SH2D4B: variants seen among roughly 807,000 people sequenced by gnomAD.
The protein encoded by SH2D4B is SH2 domain containing 4B, also known as SH2 domain-containing protein 4B.
A neutral mutation model predicts 61.5 loss-of-function variants in SH2D4B; 45 were observed. That is an observed-to-expected ratio of 0.73 (90% confidence interval 0.58 to 0.94). The LOEUF is 0.94. Among genes scored for constraint, SH2D4B ranks in the 40% least tolerant of loss-of-function variants. The pLI is 0.00. For missense variants in SH2D4B, 572 were observed against 574.2 expected (o/e 1.00, Z 0.04); for synonymous variants, 224 against 220.4 (o/e 1.02, Z -0.14).
chr10:80,566,575 C>T (rs116386422), intron 1 of SH2D4B, among the ~76,000 whole-genome samples: 334 of 152,176 alleles, frequency 2.2e-3, no homozygotes, highest in African/African-American at 7.6e-3. Context: ...GGATTACATG[C>T]GTGAGCCACT....
intron 6 of SH2D4B, among the ~76,000 whole-genome samples, chr10:80,613,768 C>A (rs540266029): frequency 6.6e-6 from 1 of 152,154 alleles, no homozygotes; most frequent in East Asian, 1.9e-4. Flanking sequence ...TTATGAGATG[C>A]GAGAGCTCCA....
intron 6 of SH2D4B, among the ~76,000 whole-genome samples, chr10:80,612,461 G>A (rs1417212704): frequency 6.6e-6 from 1 of 152,070 alleles, no homozygotes; most frequent in African/African-American, 2.4e-5. Context: ...TGGGACCAGT[G>A]GGCCAGCTCA....
chr10:80,570,288 C>T lies in SH2D4B; in HGVS notation c.319C>T (p.Gln107Ter). 6.2e-7 allele frequency: 1 copy of T among 1,613,476 alleles called. No individual in the cohort carries two copies. Residue 107 changes from glutamine to a stop codon, truncating the protein, a stop_gained, in exon 2 of 8, where the codon CAG becomes TAG. Coordinates refer to ENST00000646907, the MANE Select transcript of SH2D4B (RefSeq NM_001388272.1). LOFTEE classifies it high-confidence loss of function. ...GCTGATTGCAGAGAGGGCGCGGCTGCAGGCACAGAGGGAAGCTGAGGAGCT... is the reference window on the plus strand; with the variant it reads ...GCTGATTGCAGAGAGGGCGCGGCTGTAGGCACAGAGGGAAGCTGAGGAGCT... The part of the protein sequence containing the change: ...EELIAERARL[Q>*]AQREAEELWR...
At position 80,603,763 on chromosome 10, in the gene SH2D4B, G is replaced by A. The variant is rs1333751464; in HGVS notation, c.828G>A (p.Pro276=). The A allele has an allele frequency of 5.0e-6, 8 of 1,611,814 alleles. No homozygotes were observed. The highest frequency in any genetic ancestry group is 2.2e-5 in the East Asian group (1 of 44,820). Residue 276 remains proline, a synonymous_variant, in exon 5 of 8, where the codon CCG becomes CCA. Coordinates refer to ENST00000646907, the MANE Select transcript of SH2D4B (RefSeq NM_001388272.1). ...EARLYHHLPD[P]GLPQPLALPV... is the part of the protein sequence containing the mutation. ...GACTCTACCACCACCTCCCCGACCC[G>A]GGTCTGCCGCAGCCCCTTGCCCTGC...
chr10:80,604,882 C>T (rs899486577), intron 5 of SH2D4B, among the ~76,000 whole-genome samples: 2 of 152,100 alleles, frequency 1.3e-5, no homozygotes, highest in African/African-American at 4.8e-5. Context: ...CAAGCTCCGC[C>T]TTCCAGATTC....
chr10:80,629,333 GATGGTGCTAAACC>G (rs1224561394), intron 6 of SH2D4B, among the ~76,000 whole-genome samples: 14 of 152,206 alleles, frequency 9.2e-5, no homozygotes, highest in African/African-American at 3.4e-4. Context: ...GCATCAAGGA[GATGGTGCTAAACC>G]ATTTGTGAGA....
intron 4 of SH2D4B, among the ~76,000 whole-genome samples, chr10:80,591,620 C>T (rs1376626743): frequency 6.6e-6 from 1 of 151,284 alleles, no homozygotes; most frequent in South Asian, 2.1e-4. Context: ...AACTCTCCTG[C>T]CTCCCTAGTA....
intron 6 of SH2D4B, among the ~76,000 whole-genome samples, chr10:80,624,828 A>G (rs574535264): frequency 6.6e-6 from 1 of 152,248 alleles, no homozygotes; most frequent in East Asian, 1.9e-4. Flanking sequence ...AATGAATGCC[A>G]TAGCAGTAAT....
At position 80,644,239 on chromosome 10, in the gene SH2D4B, C is replaced by G; in HGVS notation, c.*154C>G. The G allele has an allele frequency of 1.6e-6, 1 of 626,088 alleles. No individual in the cohort carries two copies. Among genetic ancestry groups the G allele is most frequent in the Non-Finnish European group, 2.8e-6 (1 of 358,184 alleles). The allele number at this position is 626,088 out of a possible 1,614,324, so 38.8% of individuals were successfully genotyped here. A position where few individuals can be genotyped will look rare whatever the true frequency, so the allele number is the denominator to read the frequency against. ...GCCTCAAGGGATATGACATCTATGGCATAGGGCTACTGGTCTCATCCCAGC... is the reference window on the plus strand; with the variant it reads ...GCCTCAAGGGATATGACATCTATGGGATAGGGCTACTGGTCTCATCCCAGC... On this transcript the variant is annotated 3_prime_UTR_variant, in exon 8 of 8. Coordinates refer to ENST00000646907, the MANE Select transcript of SH2D4B (RefSeq NM_001388272.1).
chr10:80,588,675 C>T lies in SH2D4B; in HGVS notation c.541C>T (p.Leu181Phe), dbSNP rs373378876. 5.9e-5 allele frequency: 96 copies of T among 1,613,906 alleles called. 1 individual carries two copies. The highest frequency in any genetic ancestry group is 3.3e-4 in the South Asian group (30 of 91,080). ...GAAGCGAGGAGAAGAGCAGATTCGC[C>T]TCCAGGAAGAGCAGAGGGCGAAGGA... The part of the protein sequence containing the change: ...ERKRGEEQIR[L>F]QEEQRAKELY... The change falls in exon 4 of 8, where the codon CTC becomes TTC. Residue 181 changes from leucine to phenylalanine, a missense_variant. By Grantham distance (22) the Leu-to-Phe change is conservative (BLOSUM62 0). Coordinates refer to ENST00000646907, the MANE Select transcript of SH2D4B (RefSeq NM_001388272.1).
chr10:80,584,874 T>G (rs1280423794), intron 3 of SH2D4B, among the ~76,000 whole-genome samples: 1 of 152,222 alleles, frequency 6.6e-6, no homozygotes, highest in African/African-American at 2.4e-5. Context: ...GATAACTTGA[T>G]AAATCAAGGA....
At chr10:80,544,151 G>A (rs1053575134) in intron 1 of SH2D4B, among the ~76,000 whole-genome samples, 2 of 152,098 alleles carry the variant, frequency 1.3e-5, no homozygotes, top group Non-Finnish European at 2.9e-5. Context: ...TTTATGAGCT[G>A]TAACAGTCAC....
At chr10:80,606,964 T>C (rs1053785618) in intron 5 of SH2D4B, among the ~76,000 whole-genome samples, 1 of 152,148 alleles carries the variant, frequency 6.6e-6, no homozygotes, top group Non-Finnish European at 1.5e-5. Flanking sequence ...TTTCTGAAAA[T>C]AAAAGTGACT....
At chr10:80,572,967 TATATATATATATATATATA>T (rs1161139316) in intron 3 of SH2D4B, among the ~76,000 whole-genome samples, 15 of 8,846 alleles carry the variant, frequency 1.7e-3, no homozygotes, top group African/African-American at 2.0e-3. Flanking sequence ...TATATATATA[TATATATATATATATATATA>T]TTTTTTTTTT....
chr10:80,559,605 A>G (rs1354067004), intron 1 of SH2D4B, among the ~76,000 whole-genome samples: 2 of 149,894 alleles, frequency 1.3e-5, no homozygotes, highest in African/African-American at 4.9e-5. Flanking sequence ...TGATTATACT[A>G]TGATAACCTG....
Position 80,644,307 on chromosome 10 carries a change from G to A in SH2D4B, c.*222G>A. 1.9e-6 allele frequency: 1 copy of A among 522,224 alleles called. No homozygotes were observed. Among genetic ancestry groups the A allele is most frequent in the Middle Eastern group, 5.0e-4 (1 of 2,000 alleles). The allele number at this position is 522,224 out of a possible 1,614,324, so 32.3% of individuals were successfully genotyped here. ...CTAATAGCTCATGCAACTCTTTCAT[G>A]AAGAGCTTAGCTATGACCTTAGAAG... On this transcript the variant is annotated 3_prime_UTR_variant, in exon 8 of 8. Coordinates refer to ENST00000646907, the MANE Select transcript of SH2D4B (RefSeq NM_001388272.1).
At chr10:80,563,533 C>T (rs1292892330) in intron 1 of SH2D4B, among the ~76,000 whole-genome samples, 1 of 152,094 alleles carries the variant, frequency 6.6e-6, no homozygotes, top group Non-Finnish European at 1.5e-5. Context: ...CAGATCAATG[C>T]CATTTTACCC....
At chr10:80,573,266 G>A (rs1228389431) in intron 3 of SH2D4B, among the ~76,000 whole-genome samples, 2 of 151,284 alleles carry the variant, frequency 1.3e-5, no homozygotes, top group Non-Finnish European at 2.9e-5. Context: ...GATTACAGGC[G>A]TGAACCACCG....
chr10:80,583,919 A>G (rs1209315840), intron 3 of SH2D4B, among the ~76,000 whole-genome samples: 2 of 152,254 alleles, frequency 1.3e-5, no homozygotes, highest in Admixed American at 6.5e-5. Context: ...GGCACATCAT[A>G]TTAAAAAGTT....
Sources: gnomAD v4.1 joint callset for allele counts (sites outside exome capture counted in the v4.1 genomes callset) on GRCh38, gnomAD v4.1.1 for gene constraint, MANE v1.5 for transcripts, NCBI Gene and HGNC (gene_info 2026-07-23, HGNC 2026-07-21) for gene names.